ITGA11: variants seen among roughly 807,000 people sequenced by gnomAD.
ITGA11 encodes the protein integrin subunit alpha 11.
ITGA11 carries 97 observed loss-of-function variants against 141.9 expected under a neutral mutation model. The observed-to-expected ratio is 0.68, with a 90% CI of 0.58 to 0.81. The LOEUF (loss-of-function observed/expected upper bound fraction) is 0.81. ITGA11 is among the 30% of genes least tolerant of loss of function. The pLI, the probability that ITGA11 is intolerant of heterozygous loss-of-function variation, is 0.00. For missense variants in ITGA11, 1,387 were observed against 1,559.2 expected (o/e 0.89, Z 1.86); for synonymous variants, 658 against 624.6 (o/e 1.05, Z -0.80).
At chr15:68,384,770 C>A (rs561128389) in intron 2 of ITGA11, among the ~76,000 whole-genome samples, 1 of 152,190 alleles carries the variant, frequency 6.6e-6, no homozygotes, top group Non-Finnish European at 1.5e-5. Context: ...TAGCGGAGAG[C>A]GTTTATGTGC....
rs1595877606 is a variant in ITGA11, at chr15:68,361,478, C to T, written c.472+112G>A. ...GGTCATCCGGAGAGCTGGGGCAGGA[C>T]AGTGCTAGAGTCCAAATACTGCTTT... On this transcript the variant is annotated intron_variant, in intron 5 of 29. Coordinates refer to ENST00000315757, the MANE Select transcript of ITGA11 (RefSeq NM_001004439.2). The T allele has an allele frequency of 7.2e-6, 5 of 690,364 alleles. No individual in the cohort carries two copies. In the East Asian group the frequency reaches 1.4e-4, roughly 19 times the overall value. 42.8% of individuals were successfully genotyped at this position (690,364 alleles called of 1,614,324 possible). A position where few individuals can be genotyped will look rare whatever the true frequency, so the allele number is the denominator to read the frequency against.
chr15:68,352,197 T>G (rs1230701402), intron 7 of ITGA11, among the ~76,000 whole-genome samples: 3 of 151,360 alleles, frequency 2.0e-5, no homozygotes, highest in East Asian at 3.9e-4. Context: ...TTAGTTTTTT[T>G]TTTTTTTTTA....
At chr15:68,310,934 A>C (rs1297841154) in intron 26 of ITGA11, 60 bp downstream of exon 26, 1 of 1,314,786 alleles carries the variant, frequency 7.6e-7, no homozygotes, top group Non-Finnish European at 1.1e-6. Flanking sequence ...TGGCCCGCAG[A>C]GCACCGGCGG....
chr15:68,372,169 C>T (rs1895608664), intron 2 of ITGA11, among the ~76,000 whole-genome samples: 1 of 152,224 alleles, frequency 6.6e-6, no homozygotes, highest in African/African-American at 2.4e-5. Context: ...GTCAGCCCTT[C>T]TCTCCATTCT....
rs554355259 is a variant in ITGA11 at position 68,317,244 on chromosome 15, C to G, written c.2715+21G>C. 2.8e-5 allele frequency: 44 copies of G among 1,571,876 alleles called. 3 individuals are homozygous for G. In the South Asian group the frequency reaches 4.7e-4, roughly 17 times the overall value. On this transcript the variant is annotated intron_variant, in intron 21 of 29. Coordinates refer to ENST00000315757, the MANE Select transcript of ITGA11 (RefSeq NM_001004439.2). ...CCCAGTGCCCACCCTGACCCTCCCCCACATTGTCCCCAGTCTCAACCTTGG... is the reference window on the plus strand; with the variant it reads ...CCCAGTGCCCACCCTGACCCTCCCCGACATTGTCCCCAGTCTCAACCTTGG...
intron 19 of ITGA11, among the ~76,000 whole-genome samples, chr15:68,320,594 C>G (rs896399162): frequency 1.3e-5 from 2 of 152,184 alleles, no homozygotes; most frequent in Non-Finnish European, 2.9e-5. Flanking sequence ...ATTTCAAAGG[C>G]CCTTGGTGTC....
intron 2 of ITGA11, among the ~76,000 whole-genome samples, chr15:68,389,914 C>G (rs1250943622): frequency 6.6e-6 from 1 of 152,196 alleles, no homozygotes; most frequent in Non-Finnish European, 1.5e-5. Context: ...CTCAGAGAGG[C>G]CCTCTGCAAG....
At chr15:68,428,089 C>A (rs935749110) in intron 1 of ITGA11, among the ~76,000 whole-genome samples, 1 of 152,126 alleles carries the variant, frequency 6.6e-6, no homozygotes, top group Non-Finnish European at 1.5e-5. Flanking sequence ...CGACTTTGAC[C>A]CCCAAAGTAA....
chr15:68,367,727 C>T (rs570304392), intron 3 of ITGA11, among the ~76,000 whole-genome samples: 2 of 152,152 alleles, frequency 1.3e-5, no homozygotes, highest in Non-Finnish European at 2.9e-5. Flanking sequence ...ATTAAAGGTT[C>T]GGAAACAGAT....
At chr15:68,386,723 C>T (rs1387794514) in intron 2 of ITGA11, among the ~76,000 whole-genome samples, 2 of 152,188 alleles carry the variant, frequency 1.3e-5, no homozygotes, top group African/African-American at 2.4e-5. Context: ...TCCAGGGACC[C>T]TCCCTCTGGC....
rs765290069 is a variant in ITGA11 at position 68,317,292 on chromosome 15, G to A, written c.2688C>T (p.Ser896=). The change falls in exon 21 of 30, where the codon AGC becomes AGT. Residue 896 remains serine (S), a synonymous_variant. Coordinates refer to ENST00000315757, the MANE Select transcript of ITGA11 (RefSeq NM_001004439.2). ...RRLQKQVCNV[S]YPFFRAKAKV... is the part of the protein sequence containing the mutation. ...TGGCCTTGGCCCGGAAGAAGGGATA[G>A]CTGACGTTGCAGACTTGCTTCTGGA... The A allele has an allele frequency of 6.2e-7, 1 of 1,613,656 alleles. No individual in the cohort carries two copies.
At chr15:68,373,097 G>A (rs1170008223) in intron 2 of ITGA11, among the ~76,000 whole-genome samples, 2 of 152,034 alleles carry the variant, frequency 1.3e-5, no homozygotes, top group Non-Finnish European at 2.9e-5. Flanking sequence ...CCTGTGGTGT[G>A]TGTACCCCAC....
chr15:68,378,523 G>A (rs1454588882), intron 2 of ITGA11, among the ~76,000 whole-genome samples: 2 of 150,514 alleles, frequency 1.3e-5, no homozygotes, highest in East Asian at 2.0e-4. Flanking sequence ...TGTGCCTGTA[G>A]TCCCAGCTAC....
intron 11 of ITGA11, among the ~76,000 whole-genome samples, chr15:68,337,889 T>C (rs1449577852): frequency 1.3e-5 from 2 of 152,242 alleles, no homozygotes; most frequent in African/African-American, 4.8e-5. Flanking sequence ...TTCCCACATG[T>C]TCCTCCTTTT....
Position 68,322,442 on chromosome 15 carries a change from AG to A in ITGA11, c.2323-940del, listed in dbSNP as rs776380067. Among the ~76,000 whole-genome samples the A allele has an allele frequency of 2.6e-5, 4 of 152,208 alleles. No individual in the cohort carries two copies. The highest frequency in any genetic ancestry group is 4.4e-5 in the Non-Finnish European group (3 of 68,004). ...GGTAGTGGGCATGAGAGGAGGAAAT[AG>A]GTTAGTGACCCCAGAGGCGGGATCA... On this transcript the variant is annotated intron_variant, in intron 18 of 29. Transcript: ENST00000315757. This position sits in a 1 kb window ranked among gnomAD's most constrained non-coding sequence, Gnocchi z 5.6.
At position 68,302,836 on chromosome 15, in the gene ITGA11, G is replaced by T. The variant is rs1399122666; in HGVS notation, c.*223C>A. The T allele has an allele frequency of 5.6e-6, 3 of 539,220 alleles. No homozygotes were observed. The highest frequency in any genetic ancestry group is 6.3e-5 in the East Asian group (2 of 31,594). The allele number at this position is 539,220 out of a possible 1,614,324, so 33.4% of individuals were successfully genotyped here. ...GGGGTGTCCCTTTAAATCCCTAGGG[G>T]TCTGTGTTAAAGGTGTCCCAGTCTC... On this transcript the variant is annotated 3_prime_UTR_variant, in exon 30 of 30. Transcript: ENST00000315757.
intron 7 of ITGA11, among the ~76,000 whole-genome samples, chr15:68,352,215 C>T (rs1448762635): frequency 2.0e-5 from 3 of 148,298 alleles, no homozygotes; most frequent in African/African-American, 7.5e-5. Flanking sequence ...TTAATTGAGA[C>T]AGAGTCTCCC....
At chr15:68,372,044 G>C (rs981553569) in intron 2 of ITGA11, among the ~76,000 whole-genome samples, 1 of 152,192 alleles carries the variant, frequency 6.6e-6, no homozygotes, top group Non-Finnish European at 1.5e-5. Flanking sequence ...GGCCCCAAGA[G>C]GGGAGCTGAC....
At chr15:68,391,171 G>A (rs1186720008) in intron 2 of ITGA11, among the ~76,000 whole-genome samples, 1 of 152,126 alleles carries the variant, frequency 6.6e-6, no homozygotes, top group African/African-American at 2.4e-5. Context: ...AAGGCCCAGT[G>A]TGCTCCTGTC....
Sources: gnomAD v4.1 joint callset for allele counts (sites outside exome capture counted in the v4.1 genomes callset) on GRCh38, gnomAD v4.1.1 for gene constraint, Gnocchi (gnomAD v3.1) non-coding constraint, MANE v1.5 for transcripts, NCBI Gene and HGNC (gene_info 2026-07-23, HGNC 2026-07-21) for gene names.